The following ZNF839 variants were observed in gnomAD, a reference collection of about 807,000 sequenced individuals.
The protein encoded by ZNF839 is renal carcinoma antigen NY-REN-50.
Under a neutral mutation model 56.4 loss-of-function variants are expected in ZNF839, and 38 were observed. The observed-to-expected ratio is 0.67, with a 90% CI of 0.52 to 0.88. The LOEUF (loss-of-function observed/expected upper bound fraction) is 0.88, where lower values mean the gene tolerates loss of function less well. ZNF839 is among the 40% of genes least tolerant of loss of function. ZNF839 has a pLI of 0.00. For missense variants in ZNF839, 1,091 were observed against 1,177.6 expected (o/e 0.93, Z 1.08); for synonymous variants, 486 against 493.5 (o/e 0.98, Z 0.20).
At chr14:102,328,806 A>G (rs1474644817) in intron 2 of ZNF839, among the ~76,000 whole-genome samples, 1 of 152,084 alleles carries the variant, frequency 6.6e-6, no homozygotes, top group African/African-American at 2.4e-5. Context: ...TAAGTGTCAG[A>G]ATGTCCTCCC....
intron 2 of ZNF839, among the ~76,000 whole-genome samples, chr14:102,328,768 T>C (rs1445507922): frequency 6.6e-6 from 1 of 152,110 alleles, no homozygotes; most frequent in Non-Finnish European, 1.5e-5. Context: ...TATTTCACTT[T>C]GCACGATATC....
upstream of ZNF839, among the ~76,000 whole-genome samples, chr14:102,318,901 G>T (rs1002228826): frequency 2.0e-5 from 3 of 152,276 alleles, no homozygotes; most frequent in East Asian, 3.9e-4. Context: ...CCCCCAGGGC[G>T]GAAACAGCGG....
chr14:102,328,620 T>G (rs955996473), intron 2 of ZNF839, among the ~76,000 whole-genome samples: 6 of 151,676 alleles, frequency 4.0e-5, no homozygotes, highest in African/African-American at 1.5e-4. Context: ...ACAAAAAAAC[T>G]AAAACTCTGT....
rs774570064 is a variant in ZNF839 at position 102,342,037 on chromosome 14, T to TA, written c.2643dup (p.Leu882ThrfsTer36). 1 of 1,613,908 alleles carries TA rather than the reference T, an allele frequency of 6.2e-7. No individual in the cohort carries two copies. Among genetic ancestry groups the TA allele is most frequent in the African/African-American group, 1.3e-5 (1 of 74,942 alleles). On this transcript the variant is annotated frameshift_variant, in exon 8 of 8. Coordinates refer to ENST00000442396, the MANE Select transcript of ZNF839 (RefSeq NM_018335.6). LOFTEE classifies it low-confidence loss of function (END_TRUNC). ...GAAATTTCCAATGGGAGCCATGAGT[T>TA]ACTGTCTCAGGGACAGAAGCAGATT...
intron 2 of ZNF839, among the ~76,000 whole-genome samples, chr14:102,328,376 AT>A (rs1404209714): frequency 0.16 from 2,655 of 16,774 alleles, 169 homozygotes; most frequent in East Asian, 0.33. Context: ...AAAAAAAAAA[AT>A]ATATATATAT....
Position 102,327,000 on chromosome 14 carries a change from A to T in ZNF839, c.1191+113A>T. On this transcript the variant is annotated intron_variant, in intron 2 of 7. Transcript: ENST00000442396. This position sits in a 1 kb window ranked among gnomAD's most constrained non-coding sequence, Gnocchi z 4.3. ...GAAAAGAGGGTTGGCTCACGGTTCCATAGACTGTACAGGAAGCATGGTGCT... is the reference window on the plus strand; with the variant it reads ...GAAAAGAGGGTTGGCTCACGGTTCCTTAGACTGTACAGGAAGCATGGTGCT... The T allele has an allele frequency of 3.3e-6, 4 of 1,217,076 alleles. No homozygotes were observed. Among genetic ancestry groups the T allele is most frequent in the Non-Finnish European group, 4.4e-6 (4 of 898,992 alleles). The allele number at this position is 1,217,076 out of a possible 1,614,324, so 75.4% of individuals were successfully genotyped here.
At position 102,335,673 on chromosome 14, in the gene ZNF839, C is replaced by G. The variant is rs1445405564; in HGVS notation, c.1510-16C>G. 6.4e-7 allele frequency: 1 copy of G among 1,573,234 alleles called. No individual in the cohort carries two copies. Among genetic ancestry groups the G allele is most frequent in the African/African-American group, 1.4e-5 (1 of 73,436 alleles). ...CTTGAGTTTAAACTTTTTTTTTGGT[C>G]TTTATCTTCACGAAGGTTGAAAAAG... On this transcript the variant is annotated splice_polypyrimidine_tract_variant and intron_variant, in intron 4 of 7. Transcript: ENST00000442396.
rs373391873 is a variant in ZNF839, at chr14:102,322,351, C to T, written c.288+2298C>T. The stretch of plus-strand genomic sequence containing the variant: ...GGGACTGAGGTATGGCAGGGGAAAC[C>T]GCCCCCATCTCAAGGGTGAGGTTAG... On this transcript the variant is annotated intron_variant, in intron 1 of 7. Coordinates refer to ENST00000442396, the MANE Select transcript of ZNF839 (RefSeq NM_018335.6). Among the ~76,000 whole-genome samples, 59 of 152,302 alleles carry T rather than the reference C, an allele frequency of 3.9e-4. No individual in the cohort carries two copies. The South Asian group carries it at 0.012, about 32-fold the overall frequency.
Position 102,326,768 on chromosome 14 carries a change from G to A in ZNF839, c.1072G>A (p.Gly358Arg). 6.2e-7 allele frequency: 1 copy of A among 1,612,930 alleles called. No homozygotes were observed. The change falls in exon 2 of 8, where the codon GGG becomes AGG. Residue 358 changes from glycine (G) to arginine (R), a missense_variant. By Grantham distance (125) the Gly-to-Arg change is moderately radical (BLOSUM62 -2). This residue lies in a region of ZNF839 where 614 missense variants were observed against 629.2 expected (regional missense o/e 0.98). Coordinates refer to ENST00000442396, the MANE Select transcript of ZNF839 (RefSeq NM_018335.6). The surrounding 1 kb of genome is among the most constrained non-coding windows in gnomAD (Gnocchi z 4.3). Reference protein sequence around the residue: ...SEKASGSTLRGCTEERTLSLT... With the variant: ...SEKASGSTLRRCTEERTLSLT... ...GAAAGCCAGTGGAAGCACCCTCCGG[G>A]GGTGCACGGAGGAAAGGACGCTCAG... is the stretch of plus-strand genomic sequence containing the variant.
intron 1 of ZNF839, among the ~76,000 whole-genome samples, chr14:102,322,413 C>T (rs757467299): frequency 1.3e-4 from 20 of 152,168 alleles, no homozygotes; most frequent in Admixed American, 2.6e-4. Context: ...CCCAGAAATA[C>T]TGAGTTAACA....
Position 102,341,306 on chromosome 14 carries a change from T to C in ZNF839, c.1928-17T>C, listed in dbSNP as rs375080387. ...ACACAGTACACGCCATGTTCACCTGTTTCCCAAAATGTTTAGGTTTTTCCC... is the reference window on the plus strand; with the variant it reads ...ACACAGTACACGCCATGTTCACCTGCTTCCCAAAATGTTTAGGTTTTTCCC... On this transcript the variant is annotated splice_polypyrimidine_tract_variant and intron_variant, in intron 7 of 7. Coordinates refer to ENST00000442396, the MANE Select transcript of ZNF839 (RefSeq NM_018335.6). The C allele has an allele frequency of 4.0e-5, 61 of 1,514,540 alleles. No homozygotes were observed. Among genetic ancestry groups the C allele is most frequent in the Non-Finnish European group, 5.4e-5 (61 of 1,131,938 alleles). 93.8% of individuals were successfully genotyped at this position (1,514,540 alleles called of 1,614,324 possible).
At position 102,341,884 on chromosome 14, in the gene ZNF839, C is replaced by A. The variant is rs772106363; in HGVS notation, c.2489C>A (p.Ser830Ter). The change falls in exon 8 of 8, where the codon TCA (serine) becomes TAA (stop). Residue 830 changes from serine to a stop codon, truncating the protein, a stop_gained. Coordinates refer to ENST00000442396, the MANE Select transcript of ZNF839 (RefSeq NM_018335.6). LOFTEE classifies it low-confidence loss of function (END_TRUNC). ...KPGPQPGPHGSLLTEGCLRSL... is the reference protein window; with the variant it reads ...KPGPQPGPHG ...GGGCCTCAGCCTGGCCCACATGGATCACTATTGACTGAAGGGTGTCTCAGA... is the reference window on the plus strand; with the variant it reads ...GGGCCTCAGCCTGGCCCACATGGATAACTATTGACTGAAGGGTGTCTCAGA... 1.2e-6 allele frequency: 2 copies of A among 1,614,026 alleles called. No individual in the cohort carries two copies. Among genetic ancestry groups the A allele is most frequent in the South Asian group, 2.2e-5 (2 of 91,080 alleles).
intron 3 of ZNF839, among the ~76,000 whole-genome samples, chr14:102,334,215 C>T (rs578019605): frequency 1.3e-5 from 2 of 152,354 alleles, no homozygotes; most frequent in East Asian, 1.9e-4. Context: ...CGTCTCCAGG[C>T]GCCGCCTCCA....
chr14:102,323,017 T>A (rs946101389), intron 1 of ZNF839, among the ~76,000 whole-genome samples: 15 of 149,358 alleles, frequency 1.0e-4, no homozygotes, highest in Non-Finnish European at 1.8e-4. Context: ...TGTACTAGTA[T>A]AACAGACAGA....
Position 102,338,851 on chromosome 14 carries a change from G to A in ZNF839, c.1695G>A (p.Arg565=), listed in dbSNP as rs1567297185. The A allele has an allele frequency of 6.2e-6, 10 of 1,613,918 alleles. No individual in the cohort carries two copies. Among genetic ancestry groups the A allele is most frequent in the East Asian group, 2.2e-5 (1 of 44,870 alleles). The change falls in exon 6 of 8, where the codon CGG becomes CGA. Residue 565 remains arginine, a synonymous_variant. Transcript: ENST00000442396. ...AESLGITEFL[R]KKEIHPDNLG... ...CATTAGGAATCACAGAATTCCTACG[G>A]AAGAAAGAAATACACCCAGACAACC...
chr14:102,336,599 GTTT>G (rs750774468), intron 5 of ZNF839: 2 of 339,698 alleles, frequency 5.9e-6, no homozygotes, highest in Non-Finnish European at 1.2e-5. Context: ...CCGGTCCCCA[GTTT>G]TTTTTTTCTT....
chr14:102,339,127 C>T lies in ZNF839; in HGVS notation c.1831C>T (p.Pro611Ser), dbSNP rs1886194683. Residue 611 changes from proline to serine, a missense_variant, in exon 7 of 8, where the codon CCC (proline) becomes TCC (serine). Coordinates refer to ENST00000442396, the MANE Select transcript of ZNF839 (RefSeq NM_018335.6). Reference protein sequence around the residue: ...AEEGLASVKRPRREALSNDTT... With the variant: ...AEEGLASVKRSRREALSNDTT... ...GGAGGGACTGGCCTCAGTGAAAAGG[C>T]CCAGAAGAGAAGCCCTGTCCAACGA... is the stretch of plus-strand genomic sequence containing the variant. 2 of 1,613,430 alleles carry T rather than the reference C, an allele frequency of 1.2e-6. No homozygotes were observed. Among genetic ancestry groups the T allele is most frequent in the Non-Finnish European group, 1.7e-6 (2 of 1,179,694 alleles).
intron 2 of ZNF839, among the ~76,000 whole-genome samples, chr14:102,330,253 AC>A (rs1353226808): frequency 6.6e-6 from 1 of 150,712 alleles, no homozygotes; most frequent in Non-Finnish European, 1.5e-5. Context: ...ATTTTTTGAG[AC>A]GGAGGTTTGC....
At position 102,329,029 on chromosome 14, in the gene ZNF839, G is replaced by A. The variant is rs1264635176; in HGVS notation, c.1191+2142G>A. On this transcript the variant is annotated intron_variant, in intron 2 of 7. Transcript: ENST00000442396. ...TCTGTCGCCAGGCTGGAGTGCAGTG[G>A]CGCGATCTCAGTTCACTGCAACCTC... 4.0e-5 allele frequency among the ~76,000 whole-genome samples: 6 copies of A among 151,644 alleles called. No homozygotes were observed. In the South Asian group the frequency reaches 8.3e-4, roughly 21 times the overall value.
Sources: allele counts gnomAD v4.1 joint callset (sites outside exome capture counted in the v4.1 genomes callset), GRCh38; gene constraint gnomAD v4.1.1; regional missense constraint gnomAD v4.1.1; non-coding constraint Gnocchi (gnomAD v3.1); transcripts MANE v1.5; gene names NCBI Gene and HGNC (gene_info 2026-07-23, HGNC 2026-07-21).